ATP2C2: variants seen among roughly 807,000 people sequenced by gnomAD.
The protein encoded by ATP2C2 is ATPase secretory pathway Ca2+ transporting 2, also known as calcium-transporting ATPase type 2C member 2.
In ATP2C2, 171 loss-of-function variants were observed where a neutral mutation model predicts 110.8. The observed-to-expected ratio is 1.54, with a 90% CI of 1.36 to 1.75. The LOEUF (loss-of-function observed/expected upper bound fraction) is 1.75. ATP2C2 is among the 40% of genes most tolerant of loss of function. ATP2C2 has a pLI of 0.00. For missense variants in ATP2C2, 1,963 were observed against 1,235.0 expected, an observed-to-expected ratio of 1.59 and a Z score of -8.84; for synonymous variants, 804 against 508.4, an observed-to-expected ratio of 1.58 and a Z score of -7.82.
chr16:84,452,194 C>G, intron 18 of ATP2C2, 103 bp downstream of exon 18: 1 of 1,405,468 alleles, frequency 7.1e-7, no homozygotes, highest in Non-Finnish European at 9.7e-7. Flanking sequence ...GTCAGGAGTG[C>G]TCACGCCTAG....
chr16:84,430,675 C>G (rs1036222194), intron 11 of ATP2C2, among the ~76,000 whole-genome samples: 1 of 148,502 alleles, frequency 6.7e-6, no homozygotes, highest in Non-Finnish European at 1.5e-5. Context: ...CTAGAATCTT[C>G]AAGGAATTGA....
Position 84,446,364 on chromosome 16 carries a change from A to T in ATP2C2, c.1437A>T (p.Arg479Ser). 6.2e-7 allele frequency: 1 copy of T among 1,602,960 alleles called. No homozygotes were observed. The highest frequency in any genetic ancestry group is 8.5e-7 in the Non-Finnish European group (1 of 1,175,758). Residue 479 changes from arginine to serine, a missense_variant, in exon 16 of 27, where the codon AGA becomes AGT. Physicochemically the swap from Arg to Ser is moderately radical, Grantham distance 110. Coordinates refer to ENST00000262429, the MANE Select transcript of ATP2C2 (RefSeq NM_014861.4). ...GTGATATTAAAAATTCATATATAAGAAAAAAAGAGATTCCATTCAGTTCAG... is the reference window on the plus strand; with the variant it reads ...GTGATATTAAAAATTCATATATAAGTAAAAAAGAGATTCCATTCAGTTCAG... Reference protein sequence around the residue: ...DLSDIKNSYIRKKEIPFSSEQ... With the variant: ...DLSDIKNSYISKKEIPFSSEQ...
At chr16:84,454,668 A>C in intron 20 of ATP2C2, 150 bp from the exon 21 acceptor site, 1 of 799,580 alleles carries the variant, frequency 1.3e-6, no homozygotes, top group Non-Finnish European at 1.9e-6. Flanking sequence ...GGGCTCGCCC[A>C]ATTCCCACAG....
chr16:84,376,788 G>A (rs375672128), intron 1 of ATP2C2, among the ~76,000 whole-genome samples: 5 of 152,182 alleles, frequency 3.3e-5, no homozygotes, highest in East Asian at 3.9e-4. Context: ...CAATGATTAC[G>A]CATTCCAAGA....
At chr16:84,459,590 T>A (rs751971694) in intron 23 of ATP2C2, 101 of 1,535,774 alleles carry the variant, frequency 6.6e-5, no homozygotes, top group Non-Finnish European at 8.4e-5. Flanking sequence ...CCGGCAGAGC[T>A]GGGTGAGGAT....
chr16:84,435,067 G>T (rs376714555), intron 11 of ATP2C2, among the ~76,000 whole-genome samples: 4 of 152,240 alleles, frequency 2.6e-5, no homozygotes, highest in Admixed American at 1.3e-4. Flanking sequence ...GTCCATGCCT[G>T]TTGTATTGTC....
intron 15 of ATP2C2, among the ~76,000 whole-genome samples, chr16:84,443,955 C>G (rs527525107): frequency 2.0e-5 from 3 of 152,072 alleles, no homozygotes; most frequent in Non-Finnish European, 1.5e-5. Context: ...TCATTTGAGG[C>G]CAAGAGTTTG....
At chr16:84,401,695 G>T (rs1266563161) in intron 2 of ATP2C2, among the ~76,000 whole-genome samples, 2 of 152,110 alleles carry the variant, frequency 1.3e-5, no homozygotes, top group African/African-American at 4.8e-5. Context: ...CTCTGTGTCT[G>T]TTTTTATGAC....
In ATP2C2 at chr16:84,451,855, C is replaced by A. The variant is rs79116909; in HGVS notation, c.1661-66C>A. On this transcript the variant is annotated intron_variant, in intron 17 of 26. Coordinates refer to ENST00000262429, the MANE Select transcript of ATP2C2 (RefSeq NM_014861.4). ...CTCTCTTAAAAAACAACAACAACAA[C>A]CAACAACAAAAAACGACGGCCCCTA... The A allele has an allele frequency of 1.6e-4, 231 of 1,406,262 alleles. 1 individual carries two copies. In the African/African-American group the frequency reaches 3.1e-3, roughly 19 times the overall value. The allele number at this position is 1,406,262 out of a possible 1,614,324, so 87.1% of individuals were successfully genotyped here. A position where few individuals can be genotyped will look rare whatever the true frequency, so the allele number is the denominator to read the frequency against.
intron 1 of ATP2C2, among the ~76,000 whole-genome samples, chr16:84,382,220 G>C (rs1910617665): frequency 6.6e-6 from 1 of 152,070 alleles, no homozygotes; most frequent in African/African-American, 2.4e-5. Context: ...CCACTTATGA[G>C]TGAGAACATA....
chr16:84,391,141 G>A (rs1022224957), intron 1 of ATP2C2, among the ~76,000 whole-genome samples: 14 of 143,808 alleles, frequency 9.7e-5, no homozygotes, highest in African/African-American at 3.1e-4. Flanking sequence ...AAAAGAAGAA[G>A]AAGAAGGGAA....
chr16:84,460,871 T>C lies in ATP2C2; in HGVS notation c.2481+70T>C, dbSNP rs961035625. The C allele has an allele frequency of 2.7e-6, 4 of 1,505,812 alleles. No individual in the cohort carries two copies. The African/African-American group carries it at 5.6e-5, about 21-fold the overall frequency. 93.3% of individuals were successfully genotyped at this position (1,505,812 alleles called of 1,614,324 possible). A position where few individuals can be genotyped will look rare whatever the true frequency, so the allele number is the denominator to read the frequency against. On this transcript the variant is annotated intron_variant, in intron 24 of 26. Transcript: ENST00000262429. ...TGCAGACGCTGGGGACTGCAGTCCC[T>C]GCCCTCCTGCCACAGCTCACATCTG...
rs575064859 is a variant in ATP2C2, at chr16:84,462,169, G to C, written c.2722+40G>C. ...CGGGAACGACAGGTGACCTCGACCA[G>C]GGCCATGGGGGGCGGCAGCTGCCAG... On this transcript the variant is annotated intron_variant, in intron 26 of 26. Transcript: ENST00000262429. 2.1e-5 allele frequency: 34 copies of C among 1,584,716 alleles called. No individual in the cohort carries two copies. In the East Asian group the frequency reaches 7.0e-4, roughly 33 times the overall value.
At chr16:84,404,202 T>G (rs1457751072) in intron 2 of ATP2C2, among the ~76,000 whole-genome samples, 1 of 152,190 alleles carries the variant, frequency 6.6e-6, no homozygotes, top group Non-Finnish European at 1.5e-5. Context: ...CATGACATCA[T>G]TCCTTCCCCC....
chr16:84,460,919 A>T (rs1567467933), intron 24 of ATP2C2, 118 bp downstream of exon 24: 20 of 1,363,650 alleles, frequency 1.5e-5, no homozygotes, highest in Admixed American at 2.3e-5. Context: ...ATGTACACAC[A>T]CCGGACAATG....
intron 6 of ATP2C2, among the ~76,000 whole-genome samples, chr16:84,413,357 A>G (rs1439104361): frequency 2.0e-5 from 3 of 152,156 alleles, no homozygotes; most frequent in African/African-American, 7.2e-5. Flanking sequence ...GCGTGTGTGT[A>G]TAATACAAGG....
In ATP2C2 at chr16:84,368,854, C is replaced by G. The variant is rs1909786914; in HGVS notation, c.99+140C>G. 6 of 748,660 alleles carry G rather than the reference C, an allele frequency of 8.0e-6. No homozygotes were observed. In the South Asian group the frequency reaches 9.2e-5, roughly 11 times the overall value. The allele number at this position is 748,660 out of a possible 1,614,324, so 46.4% of individuals were successfully genotyped here. A position where few individuals can be genotyped will look rare whatever the true frequency, so the allele number is the denominator to read the frequency against. On this transcript the variant is annotated intron_variant, in intron 1 of 26. Transcript: ENST00000262429. ...TCCCCTGGCTCTGGAAAGAAGCTGT[C>G]CTCACAGCAACCGCGCTCTCATCTG...
intron 18 of ATP2C2, 85 bp downstream of exon 18, chr16:84,452,176 C>G (rs1348483068): frequency 5.9e-6 from 9 of 1,536,024 alleles, no homozygotes; most frequent in Non-Finnish European, 7.1e-6. Context: ...GAAGCCTCCG[C>G]AAACTCGGTC....
intron 1 of ATP2C2, among the ~76,000 whole-genome samples, chr16:84,380,057 C>T: frequency 6.6e-6 from 1 of 152,136 alleles, no homozygotes; most frequent in East Asian, 1.9e-4. Flanking sequence ...TTTATATCAG[C>T]CACATTTGGT....
Sources: allele counts gnomAD v4.1 joint callset (sites outside exome capture counted in the v4.1 genomes callset), GRCh38; gene constraint gnomAD v4.1.1; transcripts MANE v1.5; gene names NCBI Gene and HGNC (gene_info 2026-07-23, HGNC 2026-07-21).